Variants in NFIB observed in about 807,000 individuals in gnomAD.
NFIB encodes the protein nuclear factor I B, also known as nuclear factor 1 B-type.
A neutral mutation model predicts 61.5 loss-of-function variants in NFIB; 11 were observed. That is an observed-to-expected ratio of 0.18 (90% CI 0.11 to 0.30). The LOEUF (loss-of-function observed/expected upper bound fraction) is 0.30, where lower values mean the gene tolerates loss of function less well. NFIB is among the 10% of genes least tolerant of loss of function. NFIB has a pLI of 1.00. For synonymous variants in NFIB, 260 were observed against 216.5 expected (o/e 1.20, Z -1.76); for missense variants, 471 against 608.9 (o/e 0.77, Z 2.38).
chr9:14,360,003 T>C (rs914418441), intron 1 of NFIB, among the ~76,000 whole-genome samples: 12 of 152,228 alleles, frequency 7.9e-5, no homozygotes, highest in African/African-American at 2.9e-4. Flanking sequence ...CTAACCAATG[T>C]AGACATGCTA....
upstream of NFIB, among the ~76,000 whole-genome samples, chr9:14,315,178 C>T (rs1019568742): frequency 6.6e-6 from 1 of 151,822 alleles, no homozygotes; most frequent in African/African-American, 2.4e-5. Flanking sequence ...CCCCCGACGG[C>T]CCCGCCCGGA....
intron 1 of NFIB, among the ~76,000 whole-genome samples, chr9:14,382,203 TAC>T (rs2061495944): frequency 6.6e-6 from 1 of 152,180 alleles, no homozygotes; most frequent in African/African-American, 2.4e-5. Flanking sequence ...GTCTTGGAGA[TAC>T]CCTCTGGAAG....
At chr9:14,459,257 G>A in the NFIB span, among the ~76,000 whole-genome samples, 1 of 152,154 alleles carries the variant, frequency 6.6e-6, no homozygotes, top group African/African-American at 2.4e-5. Flanking sequence ...CCAAAAACAA[G>A]AAATGGGGAA....
intron 2 of NFIB, among the ~76,000 whole-genome samples, chr9:14,248,889 G>C (rs555249085): frequency 3.5e-4 from 53 of 152,250 alleles, no homozygotes; most frequent in African/African-American, 1.2e-3. Flanking sequence ...GAGAAGTAAG[G>C]GAACAAAGAG....
At chr9:14,355,417 T>C (rs2132928519) in intron 1 of NFIB, among the ~76,000 whole-genome samples, 1 of 152,288 alleles carries the variant, frequency 6.6e-6, no homozygotes, top group South Asian at 2.1e-4. Context: ...AAATTTCTGC[T>C]GTTTAAGCCA....
Position 14,216,533 on chromosome 9 carries a change from TCTCTCTCTCC to T in NFIB, c.563-36763_563-36754del, listed in dbSNP as rs1256181735. ...CTCTCTCTCTCTCTCTCTCTCTCTC[TCTCTCTCTCC>T]CTCTGTGTGTGTGTGTGTGTGTGTG... On this transcript the variant is annotated intron_variant, in intron 2 of 10. Transcript: ENST00000380953. 5.0e-3 allele frequency among the ~76,000 whole-genome samples: 146 copies of T among 29,114 alleles called. 2 individuals carry two copies. Among genetic ancestry groups the T allele is most frequent in the East Asian group, 0.042 (69 of 1,662 alleles). The allele number at this position is 29,114 out of a possible 152,430, so 19.1% of individuals were successfully genotyped here. A position where few individuals can be genotyped will look rare whatever the true frequency, so the allele number is the denominator to read the frequency against.
chr9:14,382,637 C>A (rs747730781), intron 1 of NFIB, among the ~76,000 whole-genome samples: 19 of 152,108 alleles, frequency 1.2e-4, no homozygotes, highest in Non-Finnish European at 2.2e-4. Flanking sequence ...AGCTCTTGCA[C>A]GAGGGTAGCA....
In NFIB at chr9:14,125,645, T is replaced by A. The variant is rs1488385567; in HGVS notation, c.1047A>T (p.Gly349=). 4 of 1,613,982 alleles carry A rather than the reference T, an allele frequency of 2.5e-6. No homozygotes were observed. In the Admixed American group the frequency reaches 5.0e-5, roughly 20 times the overall value. The part of the protein sequence containing the change: ...FPQHHHPGIP[G]VAHSVISTRT... ...GAAACTCCTCACCACTGTGTGCAAC[T>A]CCAGGTATTCCGGGATGGTGGTGCT... is the stretch of plus-strand genomic sequence containing the variant. Residue 349 remains glycine, a synonymous_variant, in exon 7 of 11, where the codon GGA becomes GGT. Transcript: ENST00000380953.
Position 14,382,475 on chromosome 9 carries a change from G to GA in NFIB, c.108+16048dup, listed in dbSNP as rs1564046934. 7.9e-5 allele frequency among the ~76,000 whole-genome samples: 12 copies of GA among 152,290 alleles called. 1 individual carries two copies. In the South Asian group the frequency reaches 2.5e-3, roughly 32 times the overall value. On this transcript the variant is annotated intron_variant, in intron 1 of 8. Coordinates refer to the NFIB transcript ENST00000380934. ...AGTAAGTACTGTTGCAGTGTCAGGG[G>GA]AGAGAGGTGACTATATTTTGCTGGC...
In NFIB at chr9:14,324,815, T is replaced by A. The variant is rs184336531; in HGVS notation, c.109-17295A>T. ...AAGCTTATAATGATACTTATTCCTA[T>A]ATCCAGCATTCTTCTGTTGGTCAAA... On this transcript the variant is annotated intron_variant, in intron 1 of 8. Coordinates refer to the NFIB transcript ENST00000380934. Among the ~76,000 whole-genome samples, 915 of 152,232 alleles carry A rather than the reference T, an allele frequency of 6.0e-3. 8 individuals carry two copies. The highest frequency in any genetic ancestry group is 0.02 in the Admixed American group (308 of 15,296).
At chr9:14,266,931 T>C in intron 2 of NFIB, among the ~76,000 whole-genome samples, 1 of 152,162 alleles carries the variant, frequency 6.6e-6, no homozygotes, top group South Asian at 2.1e-4. Context: ...TAAAACAAAA[T>C]GCAAAATCCA....
At chr9:14,442,664 G>A in the NFIB span, among the ~76,000 whole-genome samples, 1 of 152,072 alleles carries the variant, frequency 6.6e-6, no homozygotes, top group Non-Finnish European at 1.5e-5. Context: ...TCATCTTTGC[G>A]TGTGTGTGTC....
intron 1 of NFIB, among the ~76,000 whole-genome samples, chr9:14,392,841 C>A (rs1292986687): frequency 1.3e-5 from 2 of 152,180 alleles, no homozygotes; most frequent in Non-Finnish European, 2.9e-5. Flanking sequence ...TAATACCTGG[C>A]AACTATTATT....
intron 2 of NFIB, among the ~76,000 whole-genome samples, chr9:14,245,977 C>T (rs2054879355): frequency 6.6e-6 from 1 of 152,024 alleles, no homozygotes; most frequent in South Asian, 2.1e-4. Flanking sequence ...CTGTAAATAT[C>T]CATCACTCTA....
chr9:14,084,509 T>C lies in NFIB; in HGVS notation c.*3800A>G, dbSNP rs2032528765. 4.4e-6 allele frequency: 1 copy of C among 225,386 alleles called. No homozygotes were observed. Among genetic ancestry groups the C allele is most frequent in the South Asian group, 1.8e-4 (1 of 5,458 alleles). 14.0% of individuals were successfully genotyped at this position (225,386 alleles called of 1,614,324 possible). On this transcript the variant is annotated 3_prime_UTR_variant, in exon 11 of 11. Coordinates refer to ENST00000380953, the MANE Select transcript of NFIB (RefSeq NM_001190737.2). ...TGTCTTTATGTACAGTCTCCTTCAC[T>C]GCCTTTTATTTTTTTCCTTAGACAA...
In NFIB at chr9:14,128,559, G is replaced by A. The variant is rs780312064; in HGVS notation, c.926-2793C>T. Reference sequence around the variant, plus strand: ...CTAAAAATACAAAAATTAGCTGGGCGTGGTGGTGGGCACCTATAATCCTAG... The same window carrying A: ...CTAAAAATACAAAAATTAGCTGGGCATGGTGGTGGGCACCTATAATCCTAG... On this transcript the variant is annotated intron_variant, in intron 6 of 10. Transcript: ENST00000380953. Among the ~76,000 whole-genome samples, 4 of 151,910 alleles carry A rather than the reference G, an allele frequency of 2.6e-5. 1 individual carries two copies. Among genetic ancestry groups the A allele is most frequent in the African/African-American group, 4.8e-5 (2 of 41,362 alleles).
chr9:14,472,772 T>C, the NFIB span, among the ~76,000 whole-genome samples: 45 of 151,080 alleles, frequency 3.0e-4, 1 homozygote, highest in African/African-American at 9.7e-4. Flanking sequence ...ACCCAGGAGG[T>C]GGAGCTTGCA....
intron 1 of NFIB, among the ~76,000 whole-genome samples, chr9:14,372,006 G>T (rs763498196): frequency 6.6e-6 from 1 of 152,090 alleles, no homozygotes; most frequent in Non-Finnish European, 1.5e-5. Context: ...GAGAAGCTGA[G>T]GATGAGCCTC....
At chr9:14,164,375 T>C (rs1039678673) in intron 3 of NFIB, among the ~76,000 whole-genome samples, 1 of 151,978 alleles carries the variant, frequency 6.6e-6, no homozygotes, top group Non-Finnish European at 1.5e-5. Flanking sequence ...ATGCATGAAA[T>C]TGCATATAGC....
Sources: allele counts gnomAD v4.1 joint callset (sites outside exome capture counted in the v4.1 genomes callset), GRCh38; gene constraint gnomAD v4.1.1; transcripts MANE v1.5; gene names NCBI Gene and HGNC (gene_info 2026-07-23, HGNC 2026-07-21).